DUSP29: variants seen among roughly 807,000 people sequenced by gnomAD.
The protein encoded by DUSP29 is atypical dual-specific protein phosphatase.
A neutral mutation model predicts 13.5 loss-of-function variants in DUSP29; 12 were observed. The ratio of observed to expected loss-of-function variants is 0.89; its 90% CI spans 0.57 to 1.44. DUSP29 has a LOEUF of 1.44. Among genes scored for constraint, DUSP29 ranks in the 40% most tolerant of loss-of-function variants. The probability of loss-of-function intolerance (pLI) is 0.00; values close to 1 mark genes in which losing one functional copy is unlikely to be tolerated. For missense variants in DUSP29, 308 were observed against 301.1 expected (o/e 1.02, Z -0.17); for synonymous variants, 134 against 128.7 (o/e 1.04, Z -0.28).
chr10:75,043,723 GC>G (rs1211106819), intron 3 of DUSP29, 73 bp downstream of exon 3: 28 of 1,308,476 alleles, frequency 2.1e-5, no homozygotes, highest in Non-Finnish European at 2.8e-5. Context: ...AAGGGGCGGG[GC>G]CTAAGCTACG....
chr10:75,040,447 G>A (rs1054742012), intron 3 of DUSP29, among the ~76,000 whole-genome samples: 14 of 152,190 alleles, frequency 9.2e-5, no homozygotes, highest in African/African-American at 2.9e-4. Context: ...AATTCACCTC[G>A]GAGGATGCCG....
intron 2 of DUSP29, among the ~76,000 whole-genome samples, chr10:75,055,437 A>C (rs1469736219): frequency 6.6e-6 from 1 of 152,204 alleles, no homozygotes; most frequent in Non-Finnish European, 1.5e-5. Context: ...ATACTGATAC[A>C]AGTACAATTT....
chr10:75,056,657 A>T (rs1846965459), intron 2 of DUSP29, among the ~76,000 whole-genome samples: 1 of 150,368 alleles, frequency 6.7e-6, no homozygotes, highest in Admixed American at 6.7e-5. Flanking sequence ...ACAGAGGGAG[A>T]CTCCATCTCA....
chr10:75,037,910 C>T lies in DUSP29; in HGVS notation c.589G>A (p.Asp197Asn), dbSNP rs1846497931. 1 of 1,613,788 alleles carries T rather than the reference C, an allele frequency of 6.2e-7. No homozygotes were observed. Among genetic ancestry groups the T allele is most frequent in the Non-Finnish European group, 8.5e-7 (1 of 1,180,012 alleles). Residue 197 changes from aspartate (D) to asparagine (N), a missense_variant, in exon 4 of 4, where the codon GAC (aspartate) becomes AAC (asparagine). Asp to Asn is a conservative substitution (Grantham distance 23). Transcript: ENST00000338487. Reference protein sequence around the residue: ...RGFLKQLRELDKQLVQQRRRS... With the variant: ...RGFLKQLRELNKQLVQQRRRS... ...CGCCTCTGCTGCACCAGCTGCTTGT[C>T]CAGCTCCCGGAGCTGCTTCAAAAAG...
intron 2 of DUSP29, among the ~76,000 whole-genome samples, chr10:75,052,805 C>T (rs1439048039): frequency 1.3e-5 from 2 of 152,218 alleles, no homozygotes; most frequent in African/African-American, 4.8e-5. Context: ...AGCCAATGCA[C>T]CTGACCAGGA....
At chr10:75,073,197 C>G (rs1847371907) in intron 1 of DUSP29, among the ~76,000 whole-genome samples, 1 of 152,130 alleles carries the variant, frequency 6.6e-6, no homozygotes, top group South Asian at 2.1e-4. Context: ...CAGGGCCTCT[C>G]TCTCTCTCGC....
intron 1 of DUSP29, among the ~76,000 whole-genome samples, chr10:75,071,354 TTGGTGGAGGCTGCTCACCCCCACCC>T (rs1847324249): frequency 6.6e-6 from 1 of 152,184 alleles, no homozygotes; most frequent in Non-Finnish European, 1.5e-5. Flanking sequence ...TGGGGAAGGC[TTGGTGGAGGCTGCTCACCCCCACCC>T]TGGTGGACTC....
intron 3 of DUSP29, among the ~76,000 whole-genome samples, chr10:75,039,795 G>A (rs1219269220): frequency 1.3e-5 from 2 of 152,168 alleles, no homozygotes; most frequent in Non-Finnish European, 2.9e-5. Flanking sequence ...TTCCCAAGAG[G>A]TTCTAGGTGT....
intron 1 of DUSP29, among the ~76,000 whole-genome samples, chr10:75,062,373 G>A (rs1176460573): frequency 2.6e-5 from 4 of 152,212 alleles, no homozygotes; most frequent in East Asian, 3.8e-4. Context: ...TGAAACCTCC[G>A]TCTGCCTCCT....
rs559923674 is a variant in DUSP29 at position 75,067,920 on chromosome 10, C to T, written c.-35+5649G>A. On this transcript the variant is annotated intron_variant, in intron 1 of 3. Coordinates refer to ENST00000338487, the MANE Select transcript of DUSP29 (RefSeq NM_001003892.3). ...CTCCGCCTCCCAGATTCAAGCGATT[C>T]TCCTGCCTCAGCCTCCAGGGTAGCT... Among the ~76,000 whole-genome samples the T allele has an allele frequency of 8.9e-4, 136 of 152,278 alleles. 1 individual carries two copies. The highest frequency in any genetic ancestry group is 2.8e-3 in the African/African-American group (116 of 41,552).
At chr10:75,065,018 T>G (rs893171058) in intron 1 of DUSP29, among the ~76,000 whole-genome samples, 1 of 152,132 alleles carries the variant, frequency 6.6e-6, no homozygotes, top group Non-Finnish European at 1.5e-5. Context: ...TTCTACCCCA[T>G]CTCACTTGCT....
intron 1 of DUSP29, among the ~76,000 whole-genome samples, chr10:75,070,346 C>T (rs932813887): frequency 3.3e-5 from 5 of 152,142 alleles, no homozygotes; most frequent in Admixed American, 6.5e-5. Flanking sequence ...CATGCCTGGG[C>T]CTCTCAATTC....
intron 2 of DUSP29, among the ~76,000 whole-genome samples, chr10:75,045,754 G>T (rs890914225): frequency 6.6e-6 from 1 of 152,222 alleles, no homozygotes; most frequent in African/African-American, 2.4e-5. Flanking sequence ...GAGTATTATT[G>T]CAAGTGTGGT....
chr10:75,062,215 T>C (rs1847104241), intron 1 of DUSP29, among the ~76,000 whole-genome samples: 1 of 152,206 alleles, frequency 6.6e-6, no homozygotes, highest in East Asian at 1.9e-4. Context: ...GCTCAGCTCG[T>C]CCATGGCACC....
chr10:75,041,497 T>C (rs1051210537), intron 3 of DUSP29, among the ~76,000 whole-genome samples: 1 of 152,180 alleles, frequency 6.6e-6, no homozygotes, highest in Admixed American at 6.5e-5. Flanking sequence ...GGTACAGGGC[T>C]CTCTGCTTAG....
At chr10:75,064,224 T>C (rs1045867684) in intron 1 of DUSP29, among the ~76,000 whole-genome samples, 1 of 152,008 alleles carries the variant, frequency 6.6e-6, no homozygotes, top group Non-Finnish European at 1.5e-5. Flanking sequence ...TAAAGTTTTT[T>C]TGTAGCCGGG....
intron 3 of DUSP29, among the ~76,000 whole-genome samples, chr10:75,040,378 C>T (rs1207936647): frequency 6.6e-6 from 1 of 152,170 alleles, no homozygotes; most frequent in Non-Finnish European, 1.5e-5. Flanking sequence ...TGATCTTTAG[C>T]GCCTCGTGGC....
At chr10:75,062,782 A>G (rs571085780) in intron 1 of DUSP29, among the ~76,000 whole-genome samples, 4 of 152,316 alleles carry the variant, frequency 2.6e-5, no homozygotes, top group Admixed American at 2.6e-4. Flanking sequence ...GTTTCCATAG[A>G]TTCGACCCAG....
At chr10:75,044,273 A>C (rs2134283377) in intron 2 of DUSP29, among the ~76,000 whole-genome samples, 1 of 151,770 alleles carries the variant, frequency 6.6e-6, no homozygotes, top group Non-Finnish European at 1.5e-5. Context: ...TTCGTCCATT[A>C]GTTCTTTCAT....
Sources: allele counts gnomAD v4.1 joint callset (sites outside exome capture counted in the v4.1 genomes callset), GRCh38; gene constraint gnomAD v4.1.1; transcripts MANE v1.5; gene names NCBI Gene and HGNC (gene_info 2026-07-23, HGNC 2026-07-21).